The following SUFU variants were observed in gnomAD, a reference collection of about 807,000 sequenced individuals.
SUFU encodes suppressor of fused homolog.
SUFU carries 7 observed loss-of-function variants against 58.9 expected under a neutral mutation model. That is an observed-to-expected ratio of 0.12 (90% CI 0.07 to 0.22). SUFU has a LOEUF of 0.22. SUFU is among the 10% of genes least tolerant of loss of function. SUFU has a pLI of 1.00. For synonymous variants in SUFU, 232 were observed against 254.8 expected (o/e 0.91, Z 0.85); for missense variants, 451 against 641.3 (o/e 0.70, Z 3.20).
intron 2 of SUFU, among the ~76,000 whole-genome samples, chr10:102,545,631 G>A (rs965770819): frequency 3.3e-5 from 5 of 152,138 alleles, no homozygotes; most frequent in African/African-American, 1.2e-4. Context: ...TATGATAGAG[G>A]GTGTGGAGGG....
At position 102,534,319 on chromosome 10, in the gene SUFU, T is replaced by C. The variant is rs146980382; in HGVS notation, c.318-15651T>C. Reference sequence around the variant, plus strand: ...GCAGGTGCCTATAGTCCCAGCTACTTGGGAGGCGGAGGCAGGAGAATGGCG... The same window carrying C: ...GCAGGTGCCTATAGTCCCAGCTACTCGGGAGGCGGAGGCAGGAGAATGGCG... On this transcript the variant is annotated intron_variant, in intron 2 of 11. Coordinates refer to ENST00000369902, the MANE Select transcript of SUFU (RefSeq NM_016169.4). 1.0e-3 allele frequency among the ~76,000 whole-genome samples: 155 copies of C among 152,194 alleles called. 3 individuals carry two copies. In the East Asian group the frequency reaches 0.027, roughly 27 times the overall value.
intron 2 of SUFU, among the ~76,000 whole-genome samples, chr10:102,539,731 T>C (rs2062778563): frequency 6.6e-6 from 1 of 152,318 alleles, no homozygotes; most frequent in Non-Finnish European, 1.5e-5. Context: ...TATTCATTTA[T>C]TTATATCAAT....
rs530862148 is a variant in SUFU at position 102,508,027 on chromosome 10, G to A, written c.183-1142G>A. ...GTCACCCAGGCTGGAGTGCAGTGGCGCAATCTTGGCTCCCTGCAACCTCTG... is the reference window on the plus strand; with the variant it reads ...GTCACCCAGGCTGGAGTGCAGTGGCACAATCTTGGCTCCCTGCAACCTCTG... On this transcript the variant is annotated intron_variant, in intron 1 of 11. Coordinates refer to ENST00000369902, the MANE Select transcript of SUFU (RefSeq NM_016169.4). 2.7e-3 allele frequency among the ~76,000 whole-genome samples: 396 copies of A among 145,034 alleles called. 2 individuals are homozygous for A. Among genetic ancestry groups the A allele is most frequent in the African/African-American group, 9.8e-3 (379 of 38,538 alleles).
intron 9 of SUFU, among the ~76,000 whole-genome samples, chr10:102,616,808 G>A (rs1394753231): frequency 6.6e-6 from 1 of 152,192 alleles, no homozygotes; most frequent in African/African-American, 2.4e-5. Flanking sequence ...AAGCCCAGGA[G>A]CAGGTGGAAG....
At chr10:102,536,159 T>G (rs1056500939) in intron 2 of SUFU, among the ~76,000 whole-genome samples, 1 of 151,284 alleles carries the variant, frequency 6.6e-6, no homozygotes, top group African/African-American at 2.4e-5. Context: ...TGGAGACGGT[T>G]TCACCATGTT....
chr10:102,626,698 T>A (rs1437309883), intron 10 of SUFU, among the ~76,000 whole-genome samples: 1 of 152,162 alleles, frequency 6.6e-6, no homozygotes, highest in Non-Finnish European at 1.5e-5. Context: ...CCAGGGCACT[T>A]CCAGATTCCA....
At chr10:102,613,172 A>C (rs1235759094) in intron 8 of SUFU, among the ~76,000 whole-genome samples, 1 of 152,222 alleles carries the variant, frequency 6.6e-6, no homozygotes, top group Non-Finnish European at 1.5e-5. Flanking sequence ...TTTGTAAAGG[A>C]AAGAGGGAGA....
At chr10:102,508,372 C>T (rs142450147) in intron 1 of SUFU, among the ~76,000 whole-genome samples, 21 of 152,258 alleles carry the variant, frequency 1.4e-4, no homozygotes, top group African/African-American at 4.8e-4. Context: ...TCCGCAACTC[C>T]TTCTCAGTTG....
intron 1 of SUFU, among the ~76,000 whole-genome samples, chr10:102,506,132 C>T (rs545988111): frequency 1.3e-5 from 2 of 149,920 alleles, no homozygotes; most frequent in Middle Eastern, 3.5e-3. Flanking sequence ...GAAATCCCTA[C>T]ACAGATTCAG....
At chr10:102,504,780 G>A (rs1319274148) in intron 1 of SUFU, among the ~76,000 whole-genome samples, 1 of 151,132 alleles carries the variant, frequency 6.6e-6, no homozygotes, top group African/African-American at 2.4e-5. Context: ...CAGAGGGCAC[G>A]AGACTGCATA....
At chr10:102,539,559 G>C (rs760460540) in intron 2 of SUFU, among the ~76,000 whole-genome samples, 1 of 152,132 alleles carries the variant, frequency 6.6e-6, no homozygotes, top group African/African-American at 2.4e-5. Context: ...TTTCTCATCA[G>C]ATTTTTTACC....
At chr10:102,517,788 CT>C (rs2062491110) in intron 2 of SUFU, among the ~76,000 whole-genome samples, 1 of 152,222 alleles carries the variant, frequency 6.6e-6, no homozygotes, top group African/African-American at 2.4e-5. Context: ...GTCCAACTAA[CT>C]TTGCAGCTTG....
rs141562222 is a variant in SUFU, at chr10:102,581,380, G to GT, written c.455-11198dup. Among the ~76,000 whole-genome samples the GT allele has an allele frequency of 5.1e-3, 783 of 152,224 alleles. 9 individuals are homozygous for GT. Among genetic ancestry groups the GT allele is most frequent in the African/African-American group, 0.018 (751 of 41,540 alleles). ...TTCCTTCACTGCCTCAGCCAGAGAT[G>GT]TTTTGTTCAACAAAAACTCCAGATT... On this transcript the variant is annotated intron_variant, in intron 3 of 11. Transcript: ENST00000369902.
rs1395438522 is a variant in SUFU at position 102,590,560 on chromosome 10, G to GT, written c.455-2014dup. On this transcript the variant is annotated intron_variant, in intron 3 of 11. Transcript: ENST00000369902. ...GCATAAAGTATATTGGTCTATAGTT[G>GT]TTTTTTTTCTTGTCTTACCTTTGCT... is the stretch of plus-strand genomic sequence containing the variant. 4.0e-5 allele frequency among the ~76,000 whole-genome samples: 6 copies of GT among 151,772 alleles called. No individual in the cohort carries two copies. In the South Asian group the frequency reaches 1.0e-3, roughly 26 times the overall value.
At chr10:102,518,936 G>A (rs11592334) in intron 2 of SUFU, among the ~76,000 whole-genome samples, 69,500 of 150,270 alleles carry the variant, frequency 0.46, 17,005 homozygotes, top group Middle Eastern at 0.61. Context: ...TCAGGAGATC[G>A]AGACCATCCT....
Position 102,527,632 on chromosome 10 carries a change from G to A in SUFU, c.317+18329G>A, listed in dbSNP as rs192831358. ...ACCATCTTATCTTGTTGAATGTCTCGGCTTGATTATCTCTTTGGGTGGCAG... is the reference window on the plus strand; with the variant it reads ...ACCATCTTATCTTGTTGAATGTCTCAGCTTGATTATCTCTTTGGGTGGCAG... On this transcript the variant is annotated intron_variant, in intron 2 of 11. Coordinates refer to ENST00000369902, the MANE Select transcript of SUFU (RefSeq NM_016169.4). Among the ~76,000 whole-genome samples the A allele has an allele frequency of 2.0e-3, 307 of 152,088 alleles. 1 individual carries two copies. Among genetic ancestry groups the A allele is most frequent in the Admixed American group, 3.1e-3 (47 of 15,248 alleles).
Position 102,619,139 on chromosome 10 carries a change from A to C in SUFU, c.1296+1711A>C, listed in dbSNP as rs2063718309. ...CTGCCCTGAGGAGAGGGTAGTCAGC[A>C]TCTCCAATTTTCAGCAGCTCAAGAA... On this transcript the variant is annotated intron_variant, in intron 10 of 11. Transcript: ENST00000369902. The surrounding 1 kb of genome is among the most constrained non-coding windows in gnomAD (Gnocchi z 4.2). The C allele has an allele frequency of 1.2e-6, 2 of 1,612,272 alleles. No homozygotes were observed. Among genetic ancestry groups the C allele is most frequent in the East Asian group, 4.5e-5 (2 of 44,852 alleles).
chr10:102,513,966 C>T (rs946886597), intron 2 of SUFU, among the ~76,000 whole-genome samples: 2 of 152,126 alleles, frequency 1.3e-5, no homozygotes, highest in Admixed American at 6.6e-5. Context: ...CTCACTGCAG[C>T]CTCAACCACT....
intron 7 of SUFU, 104 bp downstream of exon 7, chr10:102,597,397 C>G: frequency 1.4e-6 from 2 of 1,400,144 alleles, no homozygotes; most frequent in Non-Finnish European, 9.6e-7. Flanking sequence ...ACAACCCATT[C>G]AATAGTTTAT....
Sources: gnomAD v4.1 joint callset for allele counts (sites outside exome capture counted in the v4.1 genomes callset) on GRCh38, gnomAD v4.1.1 for gene constraint, Gnocchi (gnomAD v3.1) non-coding constraint, MANE v1.5 for transcripts, NCBI Gene and HGNC (gene_info 2026-07-23, HGNC 2026-07-21) for gene names.